GLP1R: variants seen among roughly 807,000 people sequenced by gnomAD.
GLP1R encodes glucagon like peptide 1 receptor, also known as glucagon-like peptide 1 receptor.
GLP1R carries 32 observed loss-of-function variants against 68.4 expected under a neutral mutation model. That is an observed-to-expected ratio of 0.47 (90% confidence interval 0.35 to 0.63). The LOEUF is 0.63. Ranked by LOEUF, GLP1R falls within the 20% of genes least tolerant of loss-of-function variation. The pLI, the probability that GLP1R is intolerant of heterozygous loss-of-function variation, is 0.00. For missense variants in GLP1R, 502 were observed against 594.9 expected (o/e 0.84, Z 1.62); for synonymous variants, 263 against 244.4 (o/e 1.08, Z -0.71).
At chr6:39,080,577 G>T in intron 11 of GLP1R, 121 bp from the exon 12 acceptor site, 5 of 640,172 alleles carry the variant, frequency 7.8e-6, no homozygotes, top group Non-Finnish European at 1.4e-5. Context: ...GGATCTGCCT[G>T]GGCCGCTGGA....
rs567437811 is a variant in GLP1R, at chr6:39,086,079, C to T, written c.*6C>T. The T allele has an allele frequency of 8.7e-6, 14 of 1,612,530 alleles. No homozygotes were observed. The South Asian group carries it at 1.3e-4, about 15-fold the overall frequency. On this transcript the variant is annotated 3_prime_UTR_variant, in exon 13 of 13. Transcript: ENST00000373256. This position sits in a 1 kb window ranked among gnomAD's most constrained non-coding sequence, Gnocchi z 4.5. ...GCCAGGCCTCCTGCAGCTGAGACTC[C>T]AGCGCCTGCCCTCCCTGGGGTCCTT...
chr6:39,052,215 T>A lies in GLP1R; in HGVS notation c.78+3297T>A, dbSNP rs146597427. 7.2e-4 allele frequency among the ~76,000 whole-genome samples: 109 copies of A among 152,034 alleles called. 1 individual carries two copies. Among genetic ancestry groups the A allele is most frequent in the African/African-American group, 2.5e-3 (105 of 41,450 alleles). Reference sequence around the variant, plus strand: ...CTTTTCCTGTCCTTTCGTTCAGATATCTAAAGCCCTTAGGGAAAAAAAATG... The same window carrying A: ...CTTTTCCTGTCCTTTCGTTCAGATAACTAAAGCCCTTAGGGAAAAAAAATG... On this transcript the variant is annotated intron_variant, in intron 1 of 12. Transcript: ENST00000373256.
intron 3 of GLP1R, among the ~76,000 whole-genome samples, chr6:39,064,592 T>G (rs1343614335): frequency 6.6e-6 from 1 of 152,082 alleles, no homozygotes; most frequent in African/African-American, 2.4e-5. Flanking sequence ...GTGTCAAACT[T>G]AAGTTCCCCT....
intron 12 of GLP1R, among the ~76,000 whole-genome samples, chr6:39,084,958 C>A (rs1362360501): frequency 6.6e-6 from 1 of 152,126 alleles, no homozygotes; most frequent in African/African-American, 2.4e-5. Context: ...AGACCCCAGA[C>A]ACTCTGGTGT....
chr6:39,064,256 C>T (rs7739218), intron 3 of GLP1R, among the ~76,000 whole-genome samples: 2,765 of 152,130 alleles, frequency 0.018, 75 homozygotes, highest in African/African-American at 0.056. Flanking sequence ...CCACCTGCCT[C>T]GGCCTCCCAG....
chr6:39,076,709 C>T (rs1331746988), intron 7 of GLP1R, among the ~76,000 whole-genome samples: 2 of 152,160 alleles, frequency 1.3e-5, no homozygotes, highest in Non-Finnish European at 2.9e-5. Context: ...GTCTACATAC[C>T]TTAATATGCA....
chr6:39,077,720 G>A (rs1768867735), intron 7 of GLP1R, among the ~76,000 whole-genome samples: 3 of 152,168 alleles, frequency 2.0e-5, no homozygotes, highest in Non-Finnish European at 4.4e-5. Context: ...AGTCTCAGCC[G>A]AGTGGAAAGT....
At chr6:39,073,042 A>T (rs373076990) in intron 6 of GLP1R, 27 bp downstream of exon 6, 2 of 1,603,902 alleles carry the variant, frequency 1.2e-6, no homozygotes, top group African/African-American at 2.7e-5. Context: ...GGACCGCCTC[A>T]GGAGGGATGG....
chr6:39,056,701 G>A (rs995307325), intron 2 of GLP1R, among the ~76,000 whole-genome samples: 52 of 152,136 alleles, frequency 3.4e-4, no homozygotes, highest in African/African-American at 1.0e-3. Flanking sequence ...TTCAAAGTCC[G>A]CGGAAGCACT....
At position 39,072,711 on chromosome 6, in the gene GLP1R, T is replaced by G. The variant is rs935476250; in HGVS notation, c.510-151T>G. On this transcript the variant is annotated intron_variant, in intron 5 of 12. Transcript: ENST00000373256. The stretch of plus-strand genomic sequence containing the variant: ...GAGTTGGACAGAAGGATTTTCACGA[T>G]GATGAGGAAGAAGGGTATTCATAGA... The G allele has an allele frequency of 3.1e-5, 20 of 646,886 alleles. No individual in the cohort carries two copies. The South Asian group carries it at 4.1e-4, about 13-fold the overall frequency. 40.1% of individuals were successfully genotyped at this position (646,886 alleles called of 1,614,324 possible).
At chr6:39,053,471 G>A (rs1404667387) in intron 1 of GLP1R, among the ~76,000 whole-genome samples, 1 of 152,202 alleles carries the variant, frequency 6.6e-6, no homozygotes, top group East Asian at 1.9e-4. Flanking sequence ...GTTGATCCTA[G>A]AAGTGAGGAA....
intron 8 of GLP1R, among the ~76,000 whole-genome samples, chr6:39,078,715 C>T (rs1768904257): frequency 6.6e-6 from 1 of 152,080 alleles, no homozygotes; most frequent in South Asian, 2.1e-4. Context: ...TCCTTGAAAG[C>T]TTGTTTGGGG....
chr6:39,080,642 G>T (rs1768980829), intron 11 of GLP1R, 56 bp from the exon 12 acceptor site: 2 of 1,283,058 alleles, frequency 1.6e-6, no homozygotes, highest in Non-Finnish European at 2.2e-6. Context: ...ACCAGGGCCA[G>T]TCTGCAGGGC....
At chr6:39,052,626 T>C (rs1297495118) in intron 1 of GLP1R, among the ~76,000 whole-genome samples, 1 of 152,062 alleles carries the variant, frequency 6.6e-6, no homozygotes, top group East Asian at 1.9e-4. Flanking sequence ...TCCTGGGGTG[T>C]TGGAAAGCCC....
chr6:39,079,272 A>C lies in GLP1R; in HGVS notation c.1043+72A>C. On this transcript the variant is annotated intron_variant, in intron 10 of 12. Coordinates refer to ENST00000373256, the MANE Select transcript of GLP1R (RefSeq NM_002062.5). This position sits in a 1 kb window ranked among gnomAD's most constrained non-coding sequence, Gnocchi z 4.5. ...CTTTCCTTCTAGCAGAGAGAGAGAGAGAGATCCTGGGATGCTTAGCTTAGA... is the reference window on the plus strand; with the variant it reads ...CTTTCCTTCTAGCAGAGAGAGAGAGCGAGATCCTGGGATGCTTAGCTTAGA... 1 of 1,125,874 alleles carries C rather than the reference A, an allele frequency of 8.9e-7. No individual in the cohort carries two copies. Among genetic ancestry groups the C allele is most frequent in the Non-Finnish European group, 1.4e-6 (1 of 735,822 alleles). The allele number at this position is 1,125,874 out of a possible 1,614,324, so 69.7% of individuals were successfully genotyped here.
intron 12 of GLP1R, among the ~76,000 whole-genome samples, 159 bp downstream of exon 12, chr6:39,080,898 G>T (rs1403633659): frequency 6.6e-6 from 1 of 152,046 alleles, no homozygotes; most frequent in East Asian, 1.9e-4. Flanking sequence ...CACAGATTTG[G>T]TTTTCTGTGC....
chr6:39,053,624 A>G (rs1025912596), intron 1 of GLP1R, among the ~76,000 whole-genome samples: 1 of 152,118 alleles, frequency 6.6e-6, no homozygotes, highest in African/African-American at 2.4e-5. Flanking sequence ...CTCAGTCCCC[A>G]CAGCCATCCC....
chr6:39,074,233 GGA>G (rs1192997104), intron 7 of GLP1R: 5 of 157,282 alleles, frequency 3.2e-5, no homozygotes, highest in African/African-American at 9.6e-5. Flanking sequence ...AGGGCTCAGA[GGA>G]GAGCCAAGTA....
intron 3 of GLP1R, among the ~76,000 whole-genome samples, chr6:39,059,260 T>C (rs1768294014): frequency 6.6e-6 from 1 of 152,232 alleles, no homozygotes. Context: ...TACCCTCCCA[T>C]TTTCAGATGG....
Sources: allele counts gnomAD v4.1 joint callset (sites outside exome capture counted in the v4.1 genomes callset), GRCh38; gene constraint gnomAD v4.1.1; non-coding constraint Gnocchi (gnomAD v3.1); transcripts MANE v1.5; gene names NCBI Gene and HGNC (gene_info 2026-07-23, HGNC 2026-07-21).